The following UMODL1 variants were observed in gnomAD, a reference collection of about 807,000 sequenced individuals.
UMODL1 encodes uromodulin like 1, also known as uromodulin-like 1.
UMODL1 carries 128 observed loss-of-function variants against 136.3 expected under a neutral mutation model. The ratio of observed to expected loss-of-function variants is 0.94; its 90% CI spans 0.81 to 1.09. The LOEUF is 1.09. Ranked by LOEUF, UMODL1 falls within the 50% of genes least tolerant of loss-of-function variation. The pLI, the probability that UMODL1 is intolerant of heterozygous loss-of-function variation, is 0.00. For missense variants in UMODL1, 1,766 were observed against 1,725.6 expected (o/e 1.02, Z -0.41); for synonymous variants, 721 against 720.0 (o/e 1.00, Z -0.02).
At chr21:42,112,885 A>G (rs1179598176) in intron 12 of UMODL1, 1 of 150,894 alleles carries the variant, frequency 6.6e-6, no homozygotes, top group African/African-American at 2.5e-5. Context: ...CGTAACCCCC[A>G]GCAATTCCAT....
chr21:42,084,171 A>G lies in UMODL1; in HGVS notation c.407A>G (p.Asp136Gly). ...CCATCCACCTCCCCCTGCAGCTTGG[A>G]CATCGACTGTCCTGGACTTGAGAAG... The part of the protein sequence containing the change: ...PEPSTSPCSL[D>G]IDCPGLEKCC... Residue 136 changes from aspartate (D) to glycine (G), a missense_variant, in exon 3 of 23, where the codon GAC (aspartate) becomes GGC (glycine). Asp to Gly is a moderately conservative substitution (Grantham distance 94, BLOSUM62 -1). Transcript: ENST00000408910. The G allele has an allele frequency of 6.2e-7, 1 of 1,614,030 alleles. No individual in the cohort carries two copies. Among genetic ancestry groups the G allele is most frequent in the South Asian group, 1.1e-5 (1 of 91,082 alleles).
At chr21:42,094,170 C>G (rs1181333699) in intron 6 of UMODL1, 6 of 347,602 alleles carry the variant, frequency 1.7e-5, no homozygotes, top group South Asian at 1.1e-4. Flanking sequence ...CAGGGCCGCT[C>G]GAGCGACCGC....
At chr21:42,127,651 T>G in intron 19 of UMODL1, 21 bp from the exon 20 acceptor site, 1 of 1,603,984 alleles carries the variant, frequency 6.2e-7, no homozygotes, top group Non-Finnish European at 8.5e-7. Flanking sequence ...AAGCAAGGAG[T>G]CCCATTTCCT....
chr21:42,121,554 T>C (rs2066973075), intron 16 of UMODL1, among the ~76,000 whole-genome samples: 1 of 152,236 alleles, frequency 6.6e-6, no homozygotes, highest in African/African-American at 2.4e-5. Flanking sequence ...AGCGACCGTC[T>C]TGTGAAACAC....
At chr21:42,106,308 A>C (rs13433400) in intron 9 of UMODL1, among the ~76,000 whole-genome samples, 48,482 of 152,142 alleles carry the variant, frequency 0.32, 7,995 homozygotes, top group African/African-American at 0.4. Context: ...CTGTAGAAGA[A>C]GACATTTGAT....
chr21:42,083,853 G>C (rs1261707592), intron 2 of UMODL1, among the ~76,000 whole-genome samples: 1 of 152,234 alleles, frequency 6.6e-6, no homozygotes, highest in African/African-American at 2.4e-5. Flanking sequence ...GAGACACCTA[G>C]GACCCCAGCT....
intron 21 of UMODL1, among the ~76,000 whole-genome samples, chr21:42,133,825 A>C (rs764264558): frequency 2.0e-5 from 3 of 152,238 alleles, no homozygotes; most frequent in Non-Finnish European, 4.4e-5. Context: ...CACCTGCAAC[A>C]GTTCCATTTC....
In UMODL1 at chr21:42,105,804, G is replaced by A. The variant is rs1044099153; in HGVS notation, c.1519+1717G>A. Among the ~76,000 whole-genome samples the A allele has an allele frequency of 4.6e-5, 7 of 152,024 alleles. No homozygotes were observed. The East Asian group carries it at 9.7e-4, about 21-fold the overall frequency. ...GTTTGGACTTCGCCTCCGGAACGGC[G>A]GGAATACATCTGTGCTGTTTCAGGC... On this transcript the variant is annotated intron_variant, in intron 9 of 22. Transcript: ENST00000408910.
chr21:42,067,676 G>A (rs983504127), upstream of UMODL1, among the ~76,000 whole-genome samples: 2 of 152,182 alleles, frequency 1.3e-5, no homozygotes, highest in Non-Finnish European at 2.9e-5. Context: ...GCTGTGTTAC[G>A]GAAGCACCTC....
At chr21:42,125,446 G>A (rs1055647978) in intron 17 of UMODL1, among the ~76,000 whole-genome samples, 1 of 152,144 alleles carries the variant, frequency 6.6e-6, no homozygotes. Context: ...AGCTCATTCC[G>A]CCCCCTCGGG....
chr21:42,124,174 A>G (rs966299096), intron 17 of UMODL1, among the ~76,000 whole-genome samples: 1 of 152,188 alleles, frequency 6.6e-6, no homozygotes, highest in Non-Finnish European at 1.5e-5. Flanking sequence ...CCACTTGGCC[A>G]CATGGAGCAC....
intron 21 of UMODL1, among the ~76,000 whole-genome samples, chr21:42,132,903 C>T (rs761181943): frequency 2.6e-4 from 39 of 152,196 alleles, no homozygotes; most frequent in Non-Finnish European, 4.4e-4. Context: ...TCATAAAGAG[C>T]CTGGCCCATA....
intron 1 of UMODL1, among the ~76,000 whole-genome samples, chr21:42,075,247 G>GC (rs1555917892): frequency 7.2e-5 from 11 of 152,030 alleles, no homozygotes; most frequent in Admixed American, 1.3e-4. Context: ...GAGATGGGGG[G>GC]GGGGTTTCAC....
chr21:42,124,505 G>A (rs765394795), intron 17 of UMODL1, among the ~76,000 whole-genome samples: 5 of 152,200 alleles, frequency 3.3e-5, no homozygotes, highest in Non-Finnish European at 5.9e-5. Flanking sequence ...AAACCATGGC[G>A]GAGTTAAGAG....
In UMODL1 at chr21:42,121,134, T is replaced by G; in HGVS notation, c.2737T>G (p.Ser913Ala). The change falls in exon 16 of 23, where the codon TCC becomes GCC. Residue 913 changes from serine (S) to alanine (A), a missense_variant. Coordinates refer to ENST00000408910, the MANE Select transcript of UMODL1 (RefSeq NM_001004416.3). ...RKEDDCVPGT[S>A]CRNTLGSFTC... ...GGAGGACGACTGTGTGCCGGGGACATCCTGTCGAAACACCCTCGGGTCTTT... is the reference window on the plus strand; with the variant it reads ...GGAGGACGACTGTGTGCCGGGGACAGCCTGTCGAAACACCCTCGGGTCTTT... 6.2e-7 allele frequency: 1 copy of G among 1,614,098 alleles called. No homozygotes were observed. The highest frequency in any genetic ancestry group is 8.5e-7 in the Non-Finnish European group (1 of 1,179,982).
chr21:42,080,017 TG>T (rs2066342946), intron 2 of UMODL1, among the ~76,000 whole-genome samples: 1 of 152,220 alleles, frequency 6.6e-6, no homozygotes, highest in Non-Finnish European at 1.5e-5. Flanking sequence ...CTCCTGCCGC[TG>T]GAGGGCCTGT....
chr21:42,133,914 T>C (rs2067167699), intron 21 of UMODL1, among the ~76,000 whole-genome samples: 1 of 136,398 alleles, frequency 7.3e-6, no homozygotes. Context: ...TTTTGTTTTG[T>C]TTTGTTTCGT....
At chr21:42,138,724 C>T (rs953148874) in intron 22 of UMODL1, among the ~76,000 whole-genome samples, 3 of 152,014 alleles carry the variant, frequency 2.0e-5, no homozygotes, top group African/African-American at 4.8e-5. Context: ...TACAGGCATG[C>T]GCCACCACAC....
chr21:42,137,492 G>GT lies in UMODL1; in HGVS notation c.3830dup (p.Val1278GlyfsTer28). On this transcript the variant is annotated frameshift_variant, in exon 22 of 23. Transcript: ENST00000408910. LOFTEE classifies it high-confidence loss of function. ...GGGTGCCGGTTATGTGGTCCTTATT[G>GT]TGGTGGCCATCTTCGTGCTGGTGGC... 1 of 1,614,254 alleles carries GT rather than the reference G, an allele frequency of 6.2e-7. No individual in the cohort carries two copies. Among genetic ancestry groups the GT allele is most frequent in the Non-Finnish European group, 8.5e-7 (1 of 1,180,042 alleles).
Sources: gnomAD v4.1 joint callset for allele counts (sites outside exome capture counted in the v4.1 genomes callset) on GRCh38, gnomAD v4.1.1 for gene constraint, MANE v1.5 for transcripts, NCBI Gene and HGNC (gene_info 2026-07-23, HGNC 2026-07-21) for gene names.